Variants in AP2B1 observed in about 807,000 individuals in gnomAD.
AP2B1 encodes the protein AP-2 complex subunit beta.
A neutral mutation model predicts 102.0 loss-of-function variants in AP2B1; 23 were observed. That is an observed-to-expected ratio of 0.23 (90% CI 0.16 to 0.32). AP2B1 has a LOEUF of 0.32. AP2B1 is among the 10% of genes least tolerant of loss of function. AP2B1 has a pLI of 1.00. For synonymous variants in AP2B1, 381 were observed against 421.2 expected (o/e 0.90, Z 1.17); for missense variants, 541 against 1,157.4 (o/e 0.47, Z 7.73).
At chr17:35,711,762 C>T (rs1294301887) in intron 20 of AP2B1, among the ~76,000 whole-genome samples, 3 of 152,218 alleles carry the variant, frequency 2.0e-5, no homozygotes, top group African/African-American at 7.2e-5. Flanking sequence ...TGAGCCACTG[C>T]ACCCAGCCCA....
intron 18 of AP2B1, among the ~76,000 whole-genome samples, chr17:35,702,876 A>C (rs1351936523): frequency 6.6e-6 from 1 of 152,210 alleles, no homozygotes; most frequent in African/African-American, 2.4e-5. Flanking sequence ...TTTGAAAATA[A>C]CAGATGCTGG....
chr17:35,721,959 G>A (rs1267943952), intron 21 of AP2B1, among the ~76,000 whole-genome samples: 1 of 152,162 alleles, frequency 6.6e-6, no homozygotes, highest in Admixed American at 6.5e-5. Context: ...AATTGCTTTA[G>A]GTCCAGCGCA....
chr17:35,702,676 G>A (rs957078248), intron 18 of AP2B1, among the ~76,000 whole-genome samples: 3 of 152,148 alleles, frequency 2.0e-5, no homozygotes, highest in African/African-American at 7.2e-5. Context: ...TGTATAGGGG[G>A]ATGTGGCTGG....
intron 12 of AP2B1, among the ~76,000 whole-genome samples, chr17:35,646,951 A>C (rs2074951141): frequency 6.6e-6 from 1 of 152,166 alleles, no homozygotes; most frequent in African/African-American, 2.4e-5. Context: ...AATTGTTTAC[A>C]TTACATATGG....
At chr17:35,610,257 C>A (rs2073818411) in intron 5 of AP2B1, among the ~76,000 whole-genome samples, 1 of 151,842 alleles carries the variant, frequency 6.6e-6, no homozygotes, top group Non-Finnish European at 1.5e-5. Flanking sequence ...CGATTCTCCT[C>A]CTGCCTCAGC....
intron 2 of AP2B1, among the ~76,000 whole-genome samples, chr17:35,594,682 A>G (rs2073206587): frequency 6.6e-6 from 1 of 152,218 alleles, no homozygotes. Flanking sequence ...CTAGATGTAT[A>G]TTTAAAACGG....
intron 18 of AP2B1, among the ~76,000 whole-genome samples, chr17:35,708,026 T>G (rs2076378640): frequency 6.6e-6 from 1 of 152,192 alleles, no homozygotes; most frequent in Non-Finnish European, 1.5e-5. Context: ...TGATACTAAA[T>G]GTAGAAGGAC....
chr17:35,695,614 A>G (rs1470805942), intron 18 of AP2B1, among the ~76,000 whole-genome samples: 1 of 152,068 alleles, frequency 6.6e-6, no homozygotes, highest in Non-Finnish European at 1.5e-5. Flanking sequence ...GCCAGTGTAT[A>G]ACCTCCCTGT....
chr17:35,679,925 CTCT>C lies in AP2B1; in HGVS notation c.2325-2768_2325-2766del, dbSNP rs1279909302. 4.2e-5 allele frequency among the ~76,000 whole-genome samples: 4 copies of C among 96,268 alleles called. No homozygotes were observed. The South Asian group carries it at 9.9e-4, about 24-fold the overall frequency. The allele number at this position is 96,268 out of a possible 152,430, so 63.2% of individuals were successfully genotyped here. A position where few individuals can be genotyped will look rare whatever the true frequency, so the allele number is the denominator to read the frequency against. Reference sequence around the variant, plus strand: ...ACTCTTGGAAGAGTATGTGTGTAAACTCTTTTTTTTTTTTTTTTGAGACAGAGT... The same window carrying C: ...ACTCTTGGAAGAGTATGTGTGTAAACTTTTTTTTTTTTTTTGAGACAGAGT... On this transcript the variant is annotated intron_variant, in intron 17 of 21. Transcript: ENST00000610402.
intron 13 of AP2B1, among the ~76,000 whole-genome samples, chr17:35,651,749 A>G (rs2075091859): frequency 6.6e-6 from 1 of 152,130 alleles, no homozygotes; most frequent in Admixed American, 6.5e-5. Flanking sequence ...GAGATTATTA[A>G]TCTTTCATAA....
chr17:35,655,565 A>G (rs546208878), intron 13 of AP2B1, among the ~76,000 whole-genome samples: 88 of 152,088 alleles, frequency 5.8e-4, no homozygotes, highest in African/African-American at 2.0e-3. Flanking sequence ...CTTCTATTGC[A>G]CCTTTGGGTT....
chr17:35,668,335 G>A (rs1037570853), intron 14 of AP2B1, among the ~76,000 whole-genome samples: 7 of 152,008 alleles, frequency 4.6e-5, no homozygotes, highest in African/African-American at 9.7e-5. Context: ...ATTCTCTAAC[G>A]GCAGTGTTTT....
Position 35,598,237 on chromosome 17 carries a change from A to C in AP2B1, c.45A>C (p.Ile15=). The C allele has an allele frequency of 6.2e-7, 1 of 1,611,960 alleles. No homozygotes were observed. The highest frequency in any genetic ancestry group is 8.5e-7 in the Non-Finnish European group (1 of 1,178,492). Residue 15 remains isoleucine, a synonymous_variant, in exon 3 of 22, where the codon ATA becomes ATC. Coordinates refer to ENST00000610402, the MANE Select transcript of AP2B1 (RefSeq NM_001030006.2). ...KYFTTNKKGE[I]FELKAELNNE... ...TGCTCTCATCTCTTGCAGGAGAAATATTTGAACTAAAAGCTGAACTCAACA... is the reference window on the plus strand; with the variant it reads ...TGCTCTCATCTCTTGCAGGAGAAATCTTTGAACTAAAAGCTGAACTCAACA...
intron 20 of AP2B1, among the ~76,000 whole-genome samples, 182 bp downstream of exon 20, chr17:35,710,502 A>G (rs2076424249): frequency 6.6e-6 from 1 of 152,220 alleles, no homozygotes; most frequent in African/African-American, 2.4e-5. Flanking sequence ...GTTTTGATGT[A>G]GGTACTAGAT....
chr17:35,636,687 T>C (rs1322897038), intron 10 of AP2B1, among the ~76,000 whole-genome samples: 3 of 152,222 alleles, frequency 2.0e-5, no homozygotes, highest in Non-Finnish European at 4.4e-5. Context: ...GCATTGTCTA[T>C]TGGCATATTT....
chr17:35,656,009 T>G (rs2075210056), intron 13 of AP2B1, among the ~76,000 whole-genome samples: 1 of 152,248 alleles, frequency 6.6e-6, no homozygotes, highest in Non-Finnish European at 1.5e-5. Flanking sequence ...AAGTCCTTTG[T>G]TAGTTATATG....
At chr17:35,641,436 G>A (rs2142741984) in intron 11 of AP2B1, among the ~76,000 whole-genome samples, 1 of 152,264 alleles carries the variant, frequency 6.6e-6, no homozygotes, top group South Asian at 2.1e-4. Flanking sequence ...TTAAAAATTA[G>A]TTGTAGTGGC....
At position 35,674,164 on chromosome 17, in the gene AP2B1, A is replaced by G; in HGVS notation, c.2179-12A>G. 2 of 1,613,602 alleles carry G rather than the reference A, an allele frequency of 1.2e-6. No individual in the cohort carries two copies. The highest frequency in any genetic ancestry group is 2.7e-5 in the African/African-American group (2 of 75,050). Reference sequence around the variant, plus strand: ...CTTGTCTGATTCTATTGAGCTTTATACTGTGTTTCAGGTCTGGCTACCTGC... The same window carrying G: ...CTTGTCTGATTCTATTGAGCTTTATGCTGTGTTTCAGGTCTGGCTACCTGC... On this transcript the variant is annotated splice_polypyrimidine_tract_variant and intron_variant, in intron 16 of 21. Coordinates refer to ENST00000610402, the MANE Select transcript of AP2B1 (RefSeq NM_001030006.2).
At chr17:35,711,410 C>CAAA (rs782545206) in intron 20 of AP2B1, among the ~76,000 whole-genome samples, 3 of 114,532 alleles carry the variant, frequency 2.6e-5, no homozygotes, top group Non-Finnish European at 5.5e-5. Flanking sequence ...GCACAGAAAG[C>CAAA]AAAAAAAAAA....
Sources: allele counts gnomAD v4.1 joint callset (sites outside exome capture counted in the v4.1 genomes callset), GRCh38; gene constraint gnomAD v4.1.1; transcripts MANE v1.5; gene names NCBI Gene and HGNC (gene_info 2026-07-23, HGNC 2026-07-21).